AK7: variants seen among roughly 807,000 people sequenced by gnomAD.
AK7 encodes ATP-AMP transphosphorylase 7.
In AK7, 78 loss-of-function variants were observed where a neutral mutation model predicts 96.6. The observed-to-expected ratio is 0.81, with a 90% CI of 0.67 to 0.97. AK7 has a LOEUF of 0.97. AK7 is among the 50% of genes least tolerant of loss of function. The probability of loss-of-function intolerance (pLI) is 0.00; values close to 1 mark genes in which losing one functional copy is unlikely to be tolerated. For missense variants in AK7, 855 were observed against 887.9 expected (o/e 0.96, Z 0.47); for synonymous variants, 302 against 317.2 (o/e 0.95, Z 0.51).
At chr14:96,488,176 G>T in intron 17 of AK7, 129 bp from the exon 18 acceptor site, 1 of 761,800 alleles carries the variant, frequency 1.3e-6, no homozygotes, top group Non-Finnish European at 2.2e-6. Context: ...GCCTCCCAAA[G>T]TGCTGGGATT....
At chr14:96,408,127 G>A (rs1402549314) in intron 3 of AK7, among the ~76,000 whole-genome samples, 1 of 152,202 alleles carries the variant, frequency 6.6e-6, no homozygotes, top group Non-Finnish European at 1.5e-5. Flanking sequence ...CAGGGGTGGA[G>A]TGGGAAGGGT....
At chr14:96,464,135 G>A (rs1288292684) in intron 12 of AK7, among the ~76,000 whole-genome samples, 2 of 152,128 alleles carry the variant, frequency 1.3e-5, no homozygotes, top group East Asian at 3.9e-4. Context: ...GAAAACAAGA[G>A]AAGGAATACC....
intron 2 of AK7, chr14:96,398,992 A>G (rs1555375597): frequency 6.7e-6 from 1 of 148,542 alleles, no homozygotes; most frequent in South Asian, 2.1e-4. Flanking sequence ...TTTTTTATTC[A>G]TCCTTCAAGA....
chr14:96,447,100 C>T (rs4905494), intron 8 of AK7, among the ~76,000 whole-genome samples: 2 of 152,130 alleles, frequency 1.3e-5, no homozygotes, highest in African/African-American at 2.4e-5. Flanking sequence ...ACCAAAATAG[C>T]CTTTCTCTTT....
chr14:96,448,141 A>AT (rs1459202295), intron 8 of AK7, among the ~76,000 whole-genome samples: 3 of 151,646 alleles, frequency 2.0e-5, no homozygotes, highest in Non-Finnish European at 4.4e-5. Flanking sequence ...AAAAAAAAAA[A>AT]AGAAAAGAAA....
chr14:96,457,754 T>C (rs1241055390), intron 11 of AK7, among the ~76,000 whole-genome samples: 2 of 152,258 alleles, frequency 1.3e-5, no homozygotes, highest in Non-Finnish European at 2.9e-5. Context: ...TAAATGATTA[T>C]TAAAAGTCTT....
chr14:96,472,670 A>C lies in AK7; in HGVS notation c.1487-17A>C. The C allele has an allele frequency of 6.3e-7, 1 of 1,597,808 alleles. No homozygotes were observed. Among genetic ancestry groups the C allele is most frequent in the Non-Finnish European group, 8.6e-7 (1 of 1,165,528 alleles). On this transcript the variant is annotated splice_polypyrimidine_tract_variant and intron_variant, in intron 13 of 17. Transcript: ENST00000267584. ...AATATATTAATAAACACAATGAGGA[A>C]TATTTTGTTTTCTTAGAGGAAGATG...
intron 4 of AK7, 150 bp downstream of exon 4, chr14:96,409,091 T>G (rs892955201): frequency 4.0e-6 from 3 of 741,390 alleles, no homozygotes; most frequent in African/African-American, 1.8e-5. Flanking sequence ...TTACTGACTC[T>G]AAGCACATTC....
intron 9 of AK7, 106 bp from the exon 10 acceptor site, chr14:96,451,315 G>A (rs1327818386): frequency 4.1e-6 from 4 of 976,914 alleles, no homozygotes; most frequent in Admixed American, 3.2e-5. Flanking sequence ...TCCACGTTTA[G>A]TGAATGTATA....
chr14:96,392,152 A>T lies in AK7; in HGVS notation c.-3A>T, dbSNP rs12891217. 1 of 1,611,840 alleles carries T rather than the reference A, an allele frequency of 6.2e-7. No homozygotes were observed. The highest frequency in any genetic ancestry group is 8.5e-7 in the Non-Finnish European group (1 of 1,178,090). On this transcript the variant is annotated 5_prime_UTR_variant, in exon 1 of 18. Transcript: ENST00000267584. ...CACCTTAGCAACCAGCGCGGCTCCCACCATGGCTGAAGAAGAGGAAACTGC... is the reference window on the plus strand; with the variant it reads ...CACCTTAGCAACCAGCGCGGCTCCCTCCATGGCTGAAGAAGAGGAAACTGC...
intron 3 of AK7, 57 bp downstream of exon 3, chr14:96,404,922 AC>A: frequency 1.2e-5 from 15 of 1,266,334 alleles, no homozygotes; most frequent in Non-Finnish European, 1.6e-5. Context: ...TGCCTACTTC[AC>A]CTAATAGTCA....
chr14:96,437,065 T>A, intron 5 of AK7, among the ~76,000 whole-genome samples: 1 of 92,680 alleles, frequency 1.1e-5, no homozygotes, highest in Non-Finnish European at 2.0e-5. Flanking sequence ...CTGAGAAGGG[T>A]AGTAGGGGGT....
chr14:96,433,196 C>T (rs1428185692), intron 5 of AK7, among the ~76,000 whole-genome samples: 1 of 152,114 alleles, frequency 6.6e-6, no homozygotes, highest in Non-Finnish European at 1.5e-5. Context: ...CTCTGTATTT[C>T]CTGAATTTGA....
At chr14:96,439,376 TA>T (rs546359287) in intron 6 of AK7, among the ~76,000 whole-genome samples, 1 of 151,942 alleles carries the variant, frequency 6.6e-6, no homozygotes, top group South Asian at 2.1e-4. Context: ...AAATAATTAT[TA>T]AAAAAAATAT....
At chr14:96,408,211 G>GC (rs1890836015) in intron 3 of AK7, among the ~76,000 whole-genome samples, 2 of 152,138 alleles carry the variant, frequency 1.3e-5, no homozygotes, top group South Asian at 4.1e-4. Context: ...CTCCTAAGAG[G>GC]CCCTTACTTT....
intron 12 of AK7, among the ~76,000 whole-genome samples, chr14:96,468,073 CAAAAAAAA>C (rs35563628): frequency 7.6e-5 from 6 of 79,132 alleles, no homozygotes; most frequent in Admixed American, 3.2e-4. Flanking sequence ...CCCGTCTCTA[CAAAAAAAA>C]AAAAAAAAAA....
chr14:96,452,698 G>T (rs1180499368), intron 10 of AK7, among the ~76,000 whole-genome samples: 1 of 151,524 alleles, frequency 6.6e-6, no homozygotes, highest in Non-Finnish European at 1.5e-5. Context: ...TTGCTCCATA[G>T]CCCAGGCTGC....
intron 5 of AK7, chr14:96,423,635 A>T: frequency 1.7e-6 from 1 of 588,520 alleles, no homozygotes; most frequent in Non-Finnish European, 3.2e-6. Context: ...TACATGCAGC[A>T]CTGAACTGGA....
At chr14:96,446,052 ACTTC>A (rs1312826074) in intron 7 of AK7, among the ~76,000 whole-genome samples, 1 of 152,210 alleles carries the variant, frequency 6.6e-6, no homozygotes, top group Non-Finnish European at 1.5e-5. Context: ...TTGCTGCGTG[ACTTC>A]CTTAAAGAGC....
Sources: gnomAD v4.1 joint callset for allele counts (sites outside exome capture counted in the v4.1 genomes callset) on GRCh38, gnomAD v4.1.1 for gene constraint, MANE v1.5 for transcripts, NCBI Gene and HGNC (gene_info 2026-07-23, HGNC 2026-07-21) for gene names.